SNTB1: variants seen among roughly 807,000 people sequenced by gnomAD.
SNTB1 encodes beta-1-syntrophin.
Under a neutral mutation model 48.9 loss-of-function variants are expected in SNTB1, and 36 were observed. That is an observed-to-expected ratio of 0.74 (90% CI 0.56 to 0.97). The LOEUF is 0.97. Among genes scored for constraint, SNTB1 ranks in the 50% least tolerant of loss-of-function variants. SNTB1 has a pLI of 0.00. For synonymous variants in SNTB1, 299 were observed against 294.6 expected (o/e 1.01, Z -0.15); for missense variants, 786 against 703.4 (o/e 1.12, Z -1.33).
chr8:120,766,882 A>G (rs1238525410), intron 1 of SNTB1, among the ~76,000 whole-genome samples: 2 of 152,086 alleles, frequency 1.3e-5, no homozygotes, highest in African/African-American at 2.4e-5. Context: ...CTCTTCCACT[A>G]TTTCTTTTCC....
chr8:120,588,665 TCTC>T (rs993746879), intron 3 of SNTB1, among the ~76,000 whole-genome samples: 1 of 152,174 alleles, frequency 6.6e-6, no homozygotes, highest in African/African-American at 2.4e-5. Flanking sequence ...TTACTTATCT[TCTC>T]CATGCTGCTG....
chr8:120,726,363 G>C (rs998155789), intron 1 of SNTB1, among the ~76,000 whole-genome samples: 1 of 151,822 alleles, frequency 6.6e-6, no homozygotes, highest in Non-Finnish European at 1.5e-5. Flanking sequence ...GATTAAATTT[G>C]TTTCTCCACA....
rs1815933567 is a variant in SNTB1 at position 120,575,295 on chromosome 8, C to G, written c.997-70G>C. On this transcript the variant is annotated intron_variant, in intron 3 of 6. Coordinates refer to ENST00000517992, the MANE Select transcript of SNTB1 (RefSeq NM_021021.4). ...GGATGATTATGAGAAGTTGGCATCC[C>G]CCTAATCAGAGGACTCAGCAATACA... 2.5e-6 allele frequency: 4 copies of G among 1,580,448 alleles called. No homozygotes were observed. The South Asian group carries it at 3.4e-5, about 13-fold the overall frequency.
intron 1 of SNTB1, among the ~76,000 whole-genome samples, chr8:120,764,451 T>C (rs1379358564): frequency 1.3e-5 from 2 of 152,158 alleles, no homozygotes; most frequent in African/African-American, 4.8e-5. Flanking sequence ...ATTTAAATAG[T>C]GGGTAGTCAC....
At chr8:120,684,031 T>C (rs1349448330) in intron 2 of SNTB1, among the ~76,000 whole-genome samples, 3 of 152,172 alleles carry the variant, frequency 2.0e-5, no homozygotes, top group African/African-American at 7.2e-5. Context: ...CAACATACAT[T>C]TATTGATCAC....
At chr8:120,776,386 A>C (rs890846189) in intron 1 of SNTB1, 1 of 152,192 alleles carries the variant, frequency 6.6e-6, no homozygotes, top group Non-Finnish European at 1.5e-5. Context: ...GTTACCACCT[A>C]CATTGTTTCT....
intron 3 of SNTB1, among the ~76,000 whole-genome samples, chr8:120,597,391 C>T (rs1246280093): frequency 6.6e-6 from 1 of 152,220 alleles, no homozygotes; most frequent in African/African-American, 2.4e-5. Flanking sequence ...ACTAGCACAA[C>T]ATCCCCCAGG....
chr8:120,587,693 T>C (rs1187516556), intron 3 of SNTB1, among the ~76,000 whole-genome samples: 4 of 152,224 alleles, frequency 2.6e-5, no homozygotes, highest in Non-Finnish European at 5.9e-5. Flanking sequence ...GAGATCTATG[T>C]GCTCTCTCAC....
intron 3 of SNTB1, among the ~76,000 whole-genome samples, chr8:120,622,843 A>C (rs1328951145): frequency 6.6e-6 from 1 of 152,152 alleles, no homozygotes; most frequent in Non-Finnish European, 1.5e-5. Flanking sequence ...AGGCCAGTGC[A>C]CTCTAGCCTT....
chr8:120,610,460 G>A (rs529099101), intron 3 of SNTB1, among the ~76,000 whole-genome samples: 5 of 152,232 alleles, frequency 3.3e-5, no homozygotes, highest in African/African-American at 7.2e-5. Context: ...TTAACTGATT[G>A]TTTCATTCAT....
intron 4 of SNTB1, among the ~76,000 whole-genome samples, chr8:120,573,369 G>T (rs1269738217): frequency 6.8e-6 from 1 of 147,296 alleles, no homozygotes; most frequent in Non-Finnish European, 1.5e-5. Context: ...TTGGAGAAAT[G>T]TCTATTCAGG....
intron 1 of SNTB1, among the ~76,000 whole-genome samples, chr8:120,758,024 C>T (rs1417192715): frequency 6.6e-6 from 1 of 152,084 alleles, no homozygotes. Flanking sequence ...TCTCATTTAT[C>T]GCTTCTGCTA....
At chr8:120,626,951 C>G (rs1417828881) in intron 3 of SNTB1, among the ~76,000 whole-genome samples, 1 of 152,138 alleles carries the variant, frequency 6.6e-6, no homozygotes, top group Non-Finnish European at 1.5e-5. Flanking sequence ...CTTTTTGTAC[C>G]TTTGCTGCAC....
intron 1 of SNTB1, among the ~76,000 whole-genome samples, chr8:120,800,259 C>T (rs1820200469): frequency 6.6e-6 from 1 of 151,938 alleles, no homozygotes; most frequent in African/African-American, 2.4e-5. Context: ...CTTTATATAA[C>T]CTAGACAATT....
At chr8:120,635,007 G>A (rs1010970257) in intron 2 of SNTB1, among the ~76,000 whole-genome samples, 6 of 151,878 alleles carry the variant, frequency 4.0e-5, no homozygotes, top group South Asian at 2.1e-4. Context: ...ACCCGCCACC[G>A]CACCCAGCTA....
In SNTB1 at chr8:120,811,883, G is replaced by C; in HGVS notation, c.-40C>G. 1 of 1,311,134 alleles carries C rather than the reference G, an allele frequency of 7.6e-7. No homozygotes were observed. The allele number at this position is 1,311,134 out of a possible 1,614,324, so 81.2% of individuals were successfully genotyped here. On this transcript the variant is annotated 5_prime_UTR_variant, in exon 1 of 7. Transcript: ENST00000517992. ...TAAAATGCCATGTGATTGGAAAAGG[G>C]GGGAAAAGTGGGGAAGGGTGGCCGG...
chr8:120,803,394 G>A (rs768078776), intron 1 of SNTB1, among the ~76,000 whole-genome samples: 1 of 152,166 alleles, frequency 6.6e-6, no homozygotes, highest in Non-Finnish European at 1.5e-5. Context: ...CTAAAGGCAA[G>A]CATCATTATA....
intron 4 of SNTB1, among the ~76,000 whole-genome samples, chr8:120,569,741 C>T (rs545522623): frequency 2.6e-5 from 4 of 152,258 alleles, no homozygotes; most frequent in East Asian, 1.9e-4. Flanking sequence ...CTGTGCTGTT[C>T]GAAATGGTAG....
chr8:120,697,233 C>T (rs1276397107), intron 1 of SNTB1, among the ~76,000 whole-genome samples: 1 of 152,190 alleles, frequency 6.6e-6, no homozygotes, highest in Admixed American at 6.5e-5. Flanking sequence ...AGGGGAATTT[C>T]CAAAGGACAG....
Sources: gnomAD v4.1 joint callset for allele counts (sites outside exome capture counted in the v4.1 genomes callset) on GRCh38, gnomAD v4.1.1 for gene constraint, MANE v1.5 for transcripts, NCBI Gene and HGNC (gene_info 2026-07-23, HGNC 2026-07-21) for gene names.